Variants in KRT8 observed in about 807,000 individuals in gnomAD.
The protein encoded by KRT8 is keratin 8.
Under a neutral mutation model 43.0 loss-of-function variants are expected in KRT8, and 24 were observed. That is an observed-to-expected ratio of 0.56 (90% CI 0.40 to 0.78). The LOEUF (loss-of-function observed/expected upper bound fraction) is 0.78. KRT8 is among the 30% of genes least tolerant of loss of function. KRT8 has a pLI of 0.00. For missense variants in KRT8, 492 were observed against 638.4 expected, an observed-to-expected ratio of 0.77 and a Z score of 2.47; for synonymous variants, 214 against 261.2, an observed-to-expected ratio of 0.82 and a Z score of 1.74.
rs1188380011 is a variant in KRT8 at position 52,949,430 on chromosome 12, G to C, written c.-47+26C>G. 1 of 1,612,800 alleles carries C rather than the reference G, an allele frequency of 6.2e-7. No individual in the cohort carries two copies. Among genetic ancestry groups the C allele is most frequent in the Non-Finnish European group, 8.5e-7 (1 of 1,180,056 alleles). On this transcript the variant is annotated intron_variant, in intron 2 of 6. Coordinates refer to the KRT8 transcript ENST00000546826. ...CAGAACGAGAAGGAGACCATGCAAA[G>C]CCTGAACGACCGCCTGGCCTCTTAC...
chr12:52,918,180 G>GAAGAA lies in KRT8; in HGVS notation c.-46-13154_-46-13153insTTCTT. 3.0e-3 allele frequency among the ~76,000 whole-genome samples: 218 copies of GAAGAA among 73,784 alleles called. 13 individuals are homozygous for GAAGAA. Among genetic ancestry groups the GAAGAA allele is most frequent in the Middle Eastern group, 9.6e-3 (1 of 104 alleles). 48.4% of individuals were successfully genotyped at this position (73,784 alleles called of 152,430 possible). On this transcript the variant is annotated intron_variant, in intron 2 of 6. Transcript: ENST00000546826. Reference sequence around the variant, plus strand: ...GGGAAGAAGAAGAAGAAGAGGAAGAGGAAGAAGAAGAAGAAGAAGAAGAAC... The same window carrying GAAGAA: ...GGGAAGAAGAAGAAGAAGAGGAAGAGAAGAAGAAGAAGAAGAAGAAGAAGAAGAAC...
rs559466658 is a variant in KRT8 at position 52,932,938 on chromosome 12, T to C, written c.-47+16518A>G. ...TACACAAAATTACATTTTTTGTGTGTTTTTTGTTTTTGTTTTTATTTTAGA... is the reference window on the plus strand; with the variant it reads ...TACACAAAATTACATTTTTTGTGTGCTTTTTGTTTTTGTTTTTATTTTAGA... On this transcript the variant is annotated intron_variant, in intron 2 of 6. Coordinates refer to the KRT8 transcript ENST00000546826. 4.7e-5 allele frequency among the ~76,000 whole-genome samples: 7 copies of C among 150,182 alleles called. 1 individual carries two copies. The South Asian group carries it at 1.5e-3, about 31-fold the overall frequency.
At chr12:52,918,217 G>GAAGAAGAAGAAA (rs1303359384) in intron 2 of KRT8, among the ~76,000 whole-genome samples, 1 of 148,810 alleles carries the variant, frequency 6.7e-6, no homozygotes, top group East Asian at 2.0e-4. Context: ...AGAAGAAGAA[G>GAAGAAGAAGAAA]AAGAAGAAGA....
intron 2 of KRT8, among the ~76,000 whole-genome samples, chr12:52,918,249 A>AGAAGAAGAAGAAGAAGAAGAG (rs1565725915): frequency 1.3e-5 from 2 of 151,772 alleles, no homozygotes; most frequent in African/African-American, 4.8e-5. Context: ...AAGAAGAAGA[A>AGAAGAAGAAGAAGAAGAAGAG]GAAGAAGAAA....
intron 2 of KRT8, among the ~76,000 whole-genome samples, chr12:52,934,022 G>T (rs1942126368): frequency 6.7e-6 from 1 of 148,862 alleles, no homozygotes; most frequent in Non-Finnish European, 1.5e-5. Context: ...AAGGTCAGGA[G>T]TTCAAGACCA....
At chr12:52,913,773 G>T (rs890298104) in intron 2 of KRT8, among the ~76,000 whole-genome samples, 1 of 152,174 alleles carries the variant, frequency 6.6e-6, no homozygotes, top group Non-Finnish European at 1.5e-5. Flanking sequence ...TCAGAGTCCC[G>T]TGCACACCAC....
At chr12:52,939,584 T>A (rs1219879453) in intron 2 of KRT8, among the ~76,000 whole-genome samples, 1 of 151,856 alleles carries the variant, frequency 6.6e-6, no homozygotes, top group Non-Finnish European at 1.5e-5. Flanking sequence ...TAGCCAGGCA[T>A]GGTGGCGTAT....
chr12:52,908,488 C>A (rs1941568660), upstream of KRT8, among the ~76,000 whole-genome samples: 1 of 152,208 alleles, frequency 6.6e-6, no homozygotes, highest in African/African-American at 2.4e-5. Flanking sequence ...AAGGAATGAA[C>A]TACTGATGCA....
intron 2 of KRT8, among the ~76,000 whole-genome samples, chr12:52,944,005 G>A (rs1237137400): frequency 2.0e-5 from 3 of 152,198 alleles, no homozygotes; most frequent in Non-Finnish European, 4.4e-5. Flanking sequence ...GGAGCAGAAG[G>A]CTGGAGAGTA....
exon 2 of KRT8, chr12:52,949,476 G>A (rs1353991168): frequency 2.5e-6 from 4 of 1,613,514 alleles, no homozygotes; most frequent in Non-Finnish European, 3.4e-6. Flanking sequence ...TGAGGAGCCT[G>A]GAGACCGAGA....
intron 2 of KRT8, among the ~76,000 whole-genome samples, chr12:52,933,109 A>G (rs766255675): frequency 4.6e-5 from 7 of 151,786 alleles, no homozygotes; most frequent in Non-Finnish European, 1.0e-4. Context: ...ACGCCCAGCT[A>G]ATTTTTTTGT....
chr12:52,906,313 CACTCCCATT>C (rs1941517793), upstream of KRT8, among the ~76,000 whole-genome samples: 2 of 152,212 alleles, frequency 1.3e-5, no homozygotes, highest in Admixed American at 6.5e-5. Flanking sequence ...TTGCGGGAGT[CACTCCCATT>C]GCTCCCAGTG....
chr12:52,901,596 T>A, intron 2 of KRT8: 4 of 578,862 alleles, frequency 6.9e-6, no homozygotes, highest in South Asian at 2.0e-5. Flanking sequence ...ATCTCTCCCG[T>A]CTCAGGTTTA....
chr12:52,904,748 C>G (rs200733368), exon 1 of KRT8: 38 of 1,612,640 alleles, frequency 2.4e-5, no homozygotes, highest in Admixed American at 6.7e-5. Flanking sequence ...GGTCCACCTC[C>G]AGGACAAGGG....
exon 1 of KRT8, chr12:52,904,691 G>A: frequency 3.7e-6 from 6 of 1,612,942 alleles, no homozygotes; most frequent in Non-Finnish European, 5.1e-6. Context: ...TGTTGTTGAG[G>A]GTCTTGATCT....
chr12:52,911,311 C>G (rs1592170333), upstream of KRT8, among the ~76,000 whole-genome samples: 1 of 151,838 alleles, frequency 6.6e-6, no homozygotes, highest in African/African-American at 2.4e-5. Flanking sequence ...GAGATTGCAC[C>G]ATTGCACTCC....
At chr12:52,915,450 G>A (rs1037702417) in intron 2 of KRT8, among the ~76,000 whole-genome samples, 2 of 151,814 alleles carry the variant, frequency 1.3e-5, no homozygotes, top group Admixed American at 6.6e-5. Flanking sequence ...CCTCACGCCT[G>A]TAATCCTAGC....
At chr12:52,904,568 C>T in intron 1 of KRT8, 90 bp downstream of exon 1, 1 of 1,272,858 alleles carries the variant, frequency 7.9e-7, no homozygotes, top group Non-Finnish European at 1.1e-6. Context: ...CAGCAGGACG[C>T]CAGCTGGGGG....
At chr12:52,915,624 C>T (rs1219037089) in intron 2 of KRT8, among the ~76,000 whole-genome samples, 5 of 151,776 alleles carry the variant, frequency 3.3e-5, no homozygotes, top group Non-Finnish European at 7.4e-5. Context: ...ACAGGAGAAT[C>T]GCTTGAACCC....
Sources: gnomAD v4.1 joint callset for allele counts (sites outside exome capture counted in the v4.1 genomes callset) on GRCh38, gnomAD v4.1.1 for gene constraint, MANE v1.5 for transcripts, NCBI Gene and HGNC (gene_info 2026-07-23, HGNC 2026-07-21) for gene names.